PRH1: variants seen among roughly 807,000 people sequenced by gnomAD.
The protein encoded by PRH1 is proline rich protein HaeIII subfamily 1.
Under a neutral mutation model 7.9 loss-of-function variants are expected in PRH1, and 7 were observed. The ratio of observed to expected loss-of-function variants is 0.89; its 90% CI spans 0.50 to 1.67. PRH1 has a LOEUF of 1.67. Ranked by LOEUF, PRH1 falls within the 40% of genes most tolerant of loss-of-function variation. PRH1 has a pLI of 0.00. For missense variants in PRH1, 109 were observed against 223.6 expected, an observed-to-expected ratio of 0.49 and a Z score of 3.27; for synonymous variants, 45 against 80.8, an observed-to-expected ratio of 0.56 and a Z score of 2.38.
chr12:10,940,199 A>C (rs1004678250), intron 2 of PRH1, among the ~76,000 whole-genome samples: 6 of 152,188 alleles, frequency 3.9e-5, no homozygotes, highest in African/African-American at 1.4e-4. Context: ...TTACAAGTAC[A>C]TGCCCAGCAA....
chr12:11,043,908 T>C (rs1190381805), intron 1 of PRH1, among the ~76,000 whole-genome samples: 1 of 152,046 alleles, frequency 6.6e-6, no homozygotes, highest in Non-Finnish European at 1.5e-5. Flanking sequence ...ATCAAAATAC[T>C]AAAAACATTC....
At chr12:11,117,004 C>T (rs1945749657), downstream of PRH1, among the ~76,000 whole-genome samples, 1 of 152,012 alleles carries the variant, frequency 6.6e-6, no homozygotes, top group Non-Finnish European at 1.5e-5. Context: ...CCTCTAAGAT[C>T]TGGAACATGA....
At chr12:11,012,877 A>G (rs749299699) in intron 1 of PRH1, among the ~76,000 whole-genome samples, 18 of 152,228 alleles carry the variant, frequency 1.2e-4, no homozygotes, top group Non-Finnish European at 2.2e-4. Flanking sequence ...TTTGAGCAGA[A>G]TACAGAAGGT....
intron 1 of PRH1, among the ~76,000 whole-genome samples, chr12:11,004,258 G>A (rs534891604): frequency 6.6e-6 from 1 of 152,264 alleles, no homozygotes; most frequent in African/African-American, 2.4e-5. Flanking sequence ...ACTTTGGGAA[G>A]CCAAGGTGGG....
At chr12:10,888,670 C>T (rs973839352), upstream of PRH1, among the ~76,000 whole-genome samples, 3 of 152,062 alleles carry the variant, frequency 2.0e-5, no homozygotes, top group Admixed American at 2.0e-4. Context: ...TCCTATGGGG[C>T]CACTGAAAGT....
At chr12:11,149,336 ATG>A (rs1333058521) in intron 1 of PRH1, among the ~76,000 whole-genome samples, 1 of 152,162 alleles carries the variant, frequency 6.6e-6, no homozygotes, top group Non-Finnish European at 1.5e-5. Context: ...TAGCTTTTGA[ATG>A]TGTTTGCTCT....
intron 2 of PRH1, chr12:10,939,080 G>C (rs375585680): frequency 1.2e-6 from 2 of 1,613,950 alleles, no homozygotes; most frequent in Non-Finnish European, 1.7e-6. Context: ...CCGATCAACC[G>C]AAGAGATCTT....
At chr12:10,964,814 G>T (rs931279290) in intron 2 of PRH1, 3 of 563,064 alleles carry the variant, frequency 5.3e-6, no homozygotes, top group African/African-American at 3.8e-5. Context: ...TGCAAGCGTG[G>T]TTACAGTCAT....
chr12:10,927,109 T>C (rs140228714), intron 2 of PRH1, among the ~76,000 whole-genome samples: 21 of 152,266 alleles, frequency 1.4e-4, no homozygotes, highest in Admixed American at 4.6e-4. Flanking sequence ...ATTGTTGACA[T>C]TGGAGAAGGT....
chr12:10,881,257 G>A (rs1949395633), intron 3 of PRH1, among the ~76,000 whole-genome samples: 1 of 152,154 alleles, frequency 6.6e-6, no homozygotes, highest in Non-Finnish European at 1.5e-5. Context: ...GATTTAAAGT[G>A]TTGCTTAGAT....
chr12:11,088,213 C>T (rs1405110536), intron 1 of PRH1, among the ~76,000 whole-genome samples: 10 of 128,172 alleles, frequency 7.8e-5, no homozygotes, highest in African/African-American at 2.0e-4. Flanking sequence ...TGATGTTGTG[C>T]CCCTGCAGTC....
chr12:11,132,943 C>G (rs1372396602), intron 1 of PRH1: 1 of 210,380 alleles, frequency 4.8e-6, no homozygotes, highest in Non-Finnish European at 9.4e-6. Flanking sequence ...CTGAGATAAG[C>G]TGTTAGTTCT....
rs576146458 is a variant in PRH1, at chr12:10,973,672, CTT to C, written c.-78_-77del. On this transcript the variant is annotated 5_prime_UTR_variant, in exon 2 of 4. Transcript: ENST00000539853. ...GAAGTTACCTGTGAAAACTTCCACT[CTT>C]GAGTAGATACAGCAGGTTCCAGCAG... 51 of 779,562 alleles carry C rather than the reference CTT, an allele frequency of 6.5e-5. 1 individual carries two copies. The East Asian group carries it at 1.1e-3, about 17-fold the overall frequency. 48.3% of individuals were successfully genotyped at this position (779,562 alleles called of 1,614,324 possible). A position where few individuals can be genotyped will look rare whatever the true frequency, so the allele number is the denominator to read the frequency against.
At chr12:10,923,151 G>A (rs2135851622) in intron 2 of PRH1, among the ~76,000 whole-genome samples, 1 of 142,032 alleles carries the variant, frequency 7.0e-6, no homozygotes, top group South Asian at 2.2e-4. Context: ...TTGAGACAGA[G>A]TTTTGCTCTT....
intron 1 of PRH1, among the ~76,000 whole-genome samples, chr12:10,995,195 A>T (rs2136002607): frequency 6.6e-6 from 1 of 152,284 alleles, no homozygotes; most frequent in South Asian, 2.1e-4. Flanking sequence ...TTCATTCACC[A>T]ATTAACTTGT....
chr12:11,062,885 G>A (rs989837631), intron 1 of PRH1, among the ~76,000 whole-genome samples: 1 of 152,114 alleles, frequency 6.6e-6, no homozygotes, highest in Non-Finnish European at 1.5e-5. Flanking sequence ...CTCAGAATCT[G>A]GTTGCTGCTA....
At chr12:10,914,485 T>G (rs983536067) in intron 2 of PRH1, among the ~76,000 whole-genome samples, 1 of 152,210 alleles carries the variant, frequency 6.6e-6, no homozygotes, top group Admixed American at 6.5e-5. Context: ...GGGTGACACC[T>G]GTCTAAGGTT....
At chr12:11,015,182 T>G (rs1273650468) in intron 1 of PRH1, among the ~76,000 whole-genome samples, 1 of 152,046 alleles carries the variant, frequency 6.6e-6, no homozygotes, top group Non-Finnish European at 1.5e-5. Flanking sequence ...ACCTCCAAAG[T>G]GTTAGCAGGC....
At chr12:10,975,176 G>A (rs1214631041) in intron 1 of PRH1, among the ~76,000 whole-genome samples, 1 of 152,132 alleles carries the variant, frequency 6.6e-6, no homozygotes, top group East Asian at 1.9e-4. Flanking sequence ...GAAGAGAAAG[G>A]ACAGATCACC....
Sources: gnomAD v4.1 joint callset for allele counts (sites outside exome capture counted in the v4.1 genomes callset) on GRCh38, gnomAD v4.1.1 for gene constraint, MANE v1.5 for transcripts, NCBI Gene and HGNC (gene_info 2026-07-23, HGNC 2026-07-21) for gene names.